The following ROBO2 variants were observed in gnomAD, a reference collection of about 807,000 sequenced individuals.
ROBO2 encodes the protein roundabout homolog 2.
Under a neutral mutation model 160.8 loss-of-function variants are expected in ROBO2, and 53 were observed. The observed-to-expected ratio is 0.33, with a 90% confidence interval of 0.26 to 0.41. ROBO2 has a LOEUF of 0.41. Among genes scored for constraint, ROBO2 ranks in the 10% least tolerant of loss-of-function variants. The probability of loss-of-function intolerance (pLI) is 1.00; values close to 1 mark genes in which losing one functional copy is unlikely to be tolerated. For synonymous variants in ROBO2, 664 were observed against 611.7 expected, an observed-to-expected ratio of 1.09 and a Z score of -1.26; for missense variants, 1,577 against 1,722.4, an observed-to-expected ratio of 0.92 and a Z score of 1.49.
At chr3:76,327,569 G>A (rs542806419) in intron 2 of ROBO2, among the ~76,000 whole-genome samples, 12 of 152,184 alleles carry the variant, frequency 7.9e-5, no homozygotes, top group East Asian at 3.9e-4. Flanking sequence ...AGAATCTTTC[G>A]TATATTAGAA....
chr3:76,837,719 G>A (rs1218458026), intron 2 of ROBO2, among the ~76,000 whole-genome samples: 2 of 151,696 alleles, frequency 1.3e-5, no homozygotes, highest in South Asian at 2.1e-4. Context: ...AATAATTCAA[G>A]TTTTATCTCT....
In ROBO2 at chr3:77,244,960, T is replaced by G. The variant is rs541566486; in HGVS notation, c.388+146620T>G. 4.0e-4 allele frequency among the ~76,000 whole-genome samples: 61 copies of G among 151,228 alleles called. No homozygotes were observed. The South Asian group carries it at 9.6e-3, about 24-fold the overall frequency. On this transcript the variant is annotated intron_variant, in intron 2 of 25. Coordinates refer to ENST00000461745, the Ensembl canonical transcript of ROBO2. ...TGTGAACAAATGAACAGCTTTTTTT[T>G]TTTATCAAAAAAGCAAAGGTCTTTG...
At chr3:76,110,109 A>G (rs1015819488) in intron 2 of ROBO2, among the ~76,000 whole-genome samples, 1 of 151,708 alleles carries the variant, frequency 6.6e-6, no homozygotes. Context: ...AACTAGATAT[A>G]TGGGAAGTCT....
At chr3:77,202,368 A>T (rs1321002791) in intron 2 of ROBO2, among the ~76,000 whole-genome samples, 1 of 152,180 alleles carries the variant, frequency 6.6e-6, no homozygotes, top group Non-Finnish European at 1.5e-5. Context: ...AGAGTGATAG[A>T]GAAATGCTGA....
chr3:76,553,625 AC>A (rs2083541930), intron 2 of ROBO2, among the ~76,000 whole-genome samples: 2 of 152,178 alleles, frequency 1.3e-5, no homozygotes, highest in Admixed American at 1.3e-4. Flanking sequence ...GGATCCTGGA[AC>A]ATTTAAAATT....
intron 2 of ROBO2, among the ~76,000 whole-genome samples, chr3:77,237,830 T>C (rs1281714205): frequency 3.9e-5 from 6 of 152,190 alleles, no homozygotes; most frequent in African/African-American, 1.4e-4. Flanking sequence ...CCTTTCCAAG[T>C]GGCTGTACCA....
At chr3:76,226,666 T>TA (rs1309194132) in intron 2 of ROBO2, among the ~76,000 whole-genome samples, 5 of 152,158 alleles carry the variant, frequency 3.3e-5, no homozygotes, top group East Asian at 3.9e-4. Context: ...TAGTGATGTA[T>TA]AAAAAAAATT....
At chr3:76,142,770 A>G (rs1341193501) in intron 2 of ROBO2, among the ~76,000 whole-genome samples, 1 of 151,882 alleles carries the variant, frequency 6.6e-6, no homozygotes, top group Non-Finnish European at 1.5e-5. Context: ...AGTCAGTAAT[A>G]ATTCAGTTGT....
intron 2 of ROBO2, among the ~76,000 whole-genome samples, chr3:77,326,748 T>G (rs2065442119): frequency 1.3e-5 from 2 of 152,222 alleles, no homozygotes; most frequent in Admixed American, 6.5e-5. Flanking sequence ...ATAATCCCTC[T>G]GAGAAAGCAG....
At chr3:76,142,791 A>T (rs2071725938) in intron 2 of ROBO2, among the ~76,000 whole-genome samples, 1 of 151,938 alleles carries the variant, frequency 6.6e-6, no homozygotes, top group South Asian at 2.1e-4. Context: ...ACATTTTTAA[A>T]TAAAGAGGAT....
At chr3:76,263,411 C>A (rs1233478637) in intron 2 of ROBO2, among the ~76,000 whole-genome samples, 3 of 152,052 alleles carry the variant, frequency 2.0e-5, no homozygotes, top group African/African-American at 7.2e-5. Context: ...AATGTAGGTA[C>A]AGAGTCTTGC....
chr3:76,081,362 G>C lies in ROBO2; in HGVS notation c.109+143760G>C, dbSNP rs192154851. 2.6e-3 allele frequency among the ~76,000 whole-genome samples: 392 copies of C among 152,084 alleles called. 1 individual carries two copies. The highest frequency in any genetic ancestry group is 9.2e-3 in the African/African-American group (383 of 41,510). ...TCATGTAACTGAAACTGTCTGAACT[G>C]ATTTTCTCTGTAAATGGTGAAAATC... is the stretch of plus-strand genomic sequence containing the variant. On this transcript the variant is annotated intron_variant, in intron 2 of 26. Transcript: ENST00000487694.
intron 2 of ROBO2, among the ~76,000 whole-genome samples, chr3:76,654,913 G>GTGTATATATATATATATATATA (rs536883164): frequency 1.3e-5 from 1 of 74,186 alleles, no homozygotes; most frequent in Non-Finnish European, 2.9e-5. Context: ...ATATGTGTGT[G>GTGTATATATATATATATATATA]TATATATATA....
chr3:77,421,697 T>C (rs1016921096), intron 2 of ROBO2, among the ~76,000 whole-genome samples: 3 of 152,038 alleles, frequency 2.0e-5, no homozygotes, highest in Non-Finnish European at 2.9e-5. Flanking sequence ...TCCATAAACA[T>C]GTTAATTGAA....
chr3:77,305,227 T>G (rs1287969366), intron 2 of ROBO2, among the ~76,000 whole-genome samples: 1 of 152,248 alleles, frequency 6.6e-6, no homozygotes, highest in Admixed American at 6.5e-5. Flanking sequence ...TGTTAAAATG[T>G]GCAATAAACA....
chr3:76,776,957 A>G (rs75014004), intron 2 of ROBO2, among the ~76,000 whole-genome samples: 2,095 of 151,040 alleles, frequency 0.014, 47 homozygotes, highest in African/African-American at 0.048. Flanking sequence ...TTTGCAGTTA[A>G]CTCACGTTCA....
chr3:77,237,411 T>TTTTGTGTGTGTG (rs374947657), intron 2 of ROBO2, among the ~76,000 whole-genome samples: 4 of 131,046 alleles, frequency 3.1e-5, no homozygotes, highest in Non-Finnish European at 6.4e-5. Context: ...TTGTTTTGTT[T>TTTTGTGTGTGTG]TGTGTGTGTG....
chr3:76,700,698 T>C (rs1576078127), intron 2 of ROBO2, among the ~76,000 whole-genome samples: 1 of 152,276 alleles, frequency 6.6e-6, no homozygotes, highest in Non-Finnish European at 1.5e-5. Context: ...TTGGAAACTG[T>C]CATGTAGTGA....
intron 2 of ROBO2, among the ~76,000 whole-genome samples, chr3:76,673,615 C>T (rs264537): frequency 6.6e-6 from 1 of 151,814 alleles, no homozygotes; most frequent in African/African-American, 2.4e-5. Flanking sequence ...AACAATTATG[C>T]GTCAACTATC....
Sources: allele counts gnomAD v4.1 joint callset (sites outside exome capture counted in the v4.1 genomes callset), GRCh38; gene constraint gnomAD v4.1.1; transcripts MANE v1.5; gene names NCBI Gene and HGNC (gene_info 2026-07-23, HGNC 2026-07-21).